The following EEFSEC variants were observed in gnomAD, a reference collection of about 807,000 sequenced individuals.
EEFSEC encodes eukaryotic elongation factor, selenocysteine-tRNA specific.
Under a neutral mutation model 42.1 loss-of-function variants are expected in EEFSEC, and 43 were observed. The observed-to-expected ratio is 1.02, with a 90% CI of 0.80 to 1.32. The LOEUF (loss-of-function observed/expected upper bound fraction) is 1.32. Ranked by LOEUF, EEFSEC falls within the 40% of genes most tolerant of loss-of-function variation. EEFSEC has a pLI of 0.00. For missense variants in EEFSEC, 745 were observed against 803.6 expected (o/e 0.93, Z 0.88); for synonymous variants, 354 against 339.1 (o/e 1.04, Z -0.48).
chr3:128,341,205 A>T (rs758961777), intron 4 of EEFSEC, 28 bp from the exon 5 acceptor site: 3 of 1,569,804 alleles, frequency 1.9e-6, no homozygotes. Flanking sequence ...TGTTGGTTTC[A>T]TGTGCTCTCT....
At chr3:128,164,373 G>C (rs996088014) in intron 1 of EEFSEC, among the ~76,000 whole-genome samples, 2 of 152,210 alleles carry the variant, frequency 1.3e-5, no homozygotes, top group East Asian at 3.8e-4. Context: ...AGAAATGTGA[G>C]TACCTGCCTG....
intron 1 of EEFSEC, among the ~76,000 whole-genome samples, chr3:128,233,407 G>A (rs1056663045): frequency 6.6e-6 from 1 of 152,184 alleles, no homozygotes; most frequent in African/African-American, 2.4e-5. Flanking sequence ...CAGAAATCAT[G>A]AAGGTGGCTC....
intron 1 of EEFSEC, among the ~76,000 whole-genome samples, chr3:128,203,830 G>T (rs1042899914): frequency 3.9e-5 from 6 of 152,198 alleles, no homozygotes; most frequent in Non-Finnish European, 7.3e-5. Flanking sequence ...TTGGCCAGTT[G>T]AATATCAAGC....
intron 6 of EEFSEC, among the ~76,000 whole-genome samples, chr3:128,403,189 A>G (rs1034304922): frequency 6.6e-6 from 1 of 152,176 alleles, no homozygotes; most frequent in African/African-American, 2.4e-5. Flanking sequence ...TGGCAAAGAC[A>G]GGGGCCCCGA....
chr3:128,160,144 C>G (rs1379672354), intron 1 of EEFSEC, among the ~76,000 whole-genome samples: 1 of 152,240 alleles, frequency 6.6e-6, no homozygotes, highest in Non-Finnish European at 1.5e-5. Context: ...AGCTTAGGGC[C>G]TGGCCTGTAG....
downstream of EEFSEC, among the ~76,000 whole-genome samples, chr3:128,411,177 T>G (rs1330844366): frequency 2.0e-5 from 3 of 152,324 alleles, no homozygotes; most frequent in South Asian, 6.2e-4. Flanking sequence ...CAGCACCCGC[T>G]TCTGGCTGAG....
chr3:128,159,849 C>G (rs1156345006), intron 1 of EEFSEC, among the ~76,000 whole-genome samples: 2 of 152,228 alleles, frequency 1.3e-5, no homozygotes, highest in Non-Finnish European at 2.9e-5. Context: ...CTCATACTTT[C>G]TCATGTCCCT....
intron 1 of EEFSEC, among the ~76,000 whole-genome samples, chr3:128,245,773 G>T (rs1301270595): frequency 6.6e-6 from 1 of 152,130 alleles, no homozygotes; most frequent in Non-Finnish European, 1.5e-5. Context: ...TGAAACATAA[G>T]TTTACTGGAG....
chr3:128,327,949 C>T (rs899112478), intron 4 of EEFSEC, among the ~76,000 whole-genome samples: 5 of 152,078 alleles, frequency 3.3e-5, no homozygotes, highest in African/African-American at 4.8e-5. Flanking sequence ...ATGGGAAGGG[C>T]GCCCATGAGG....
intron 5 of EEFSEC, among the ~76,000 whole-genome samples, chr3:128,348,969 G>A (rs2067349628): frequency 6.6e-6 from 1 of 152,206 alleles, no homozygotes; most frequent in South Asian, 2.1e-4. Context: ...CTGCCAAGGT[G>A]GGAGGAAGTA....
intron 1 of EEFSEC, among the ~76,000 whole-genome samples, chr3:128,222,421 T>A (rs981983186): frequency 6.6e-6 from 1 of 152,246 alleles, no homozygotes; most frequent in African/African-American, 2.4e-5. Context: ...AAGAATAATT[T>A]GTTAACCTGT....
intron 6 of EEFSEC, among the ~76,000 whole-genome samples, chr3:128,398,903 G>A (rs1032848913): frequency 6.6e-6 from 1 of 152,074 alleles, no homozygotes; most frequent in East Asian, 1.9e-4. Flanking sequence ...AGGGATGGGG[G>A]CTATCCCTGC....
At chr3:128,410,828 C>T (rs764513067), downstream of EEFSEC, among the ~76,000 whole-genome samples, 3 of 152,130 alleles carry the variant, frequency 2.0e-5, no homozygotes, top group Non-Finnish European at 4.4e-5. Context: ...TCTGTGCAGG[C>T]GTCCACCTCC....
chr3:128,412,547 T>C (rs780144622), downstream of EEFSEC, among the ~76,000 whole-genome samples: 1 of 152,178 alleles, frequency 6.6e-6, no homozygotes, highest in Admixed American at 6.5e-5. Flanking sequence ...GGGTGGCACC[T>C]GCCAGAGGGA....
chr3:128,264,606 C>G lies in EEFSEC; in HGVS notation c.622-11C>G. The G allele has an allele frequency of 1.2e-6, 2 of 1,612,972 alleles. No individual in the cohort carries two copies. The highest frequency in any genetic ancestry group is 1.1e-5 in the South Asian group (1 of 90,998). On this transcript the variant is annotated splice_polypyrimidine_tract_variant and intron_variant, in intron 3 of 6. Coordinates refer to ENST00000254730, the MANE Select transcript of EEFSEC (RefSeq NM_021937.5). Reference sequence around the variant, plus strand: ...TCCCCACGGACTGTGGCACCAGTTTCTCTTTTCTAGCTCCTGACGTCCCAG... The same window carrying G: ...TCCCCACGGACTGTGGCACCAGTTTGTCTTTTCTAGCTCCTGACGTCCCAG...
At chr3:128,356,140 G>A (rs1452532201) in intron 5 of EEFSEC, among the ~76,000 whole-genome samples, 6 of 152,228 alleles carry the variant, frequency 3.9e-5, no homozygotes, top group African/African-American at 1.4e-4. Flanking sequence ...TTCATGGTAG[G>A]CTCTTATAGG....
chr3:128,281,012 GC>G (rs1393346841), intron 4 of EEFSEC, among the ~76,000 whole-genome samples: 1 of 152,050 alleles, frequency 6.6e-6, no homozygotes, highest in East Asian at 1.9e-4. Flanking sequence ...TGCCATCTTT[GC>G]TGACTCTTTC....
chr3:128,179,263 A>G (rs1400826634), intron 1 of EEFSEC, among the ~76,000 whole-genome samples: 2 of 152,210 alleles, frequency 1.3e-5, no homozygotes, highest in East Asian at 1.9e-4. Context: ...TGCTGGCTGC[A>G]TAGGGGAGGA....
rs576068006 is a variant in EEFSEC, at chr3:128,341,091, G to A, written c.787-142G>A. The stretch of plus-strand genomic sequence containing the variant: ...TGCTCTGGTCCAGAAGAGTGTGCCT[G>A]GGCCCCAGACCCCCCTTGGCTGGTC... On this transcript the variant is annotated intron_variant, in intron 4 of 6. Coordinates refer to ENST00000254730, the MANE Select transcript of EEFSEC (RefSeq NM_021937.5). 6.4e-5 allele frequency: 63 copies of A among 985,050 alleles called. 1 individual carries two copies. The South Asian group carries it at 9.8e-4, about 15-fold the overall frequency. 61.0% of individuals were successfully genotyped at this position (985,050 alleles called of 1,614,324 possible).
Sources: allele counts gnomAD v4.1 joint callset (sites outside exome capture counted in the v4.1 genomes callset), GRCh38; gene constraint gnomAD v4.1.1; transcripts MANE v1.5; gene names NCBI Gene and HGNC (gene_info 2026-07-23, HGNC 2026-07-21).